The following MCF2L variants were observed in gnomAD, a reference collection of about 807,000 sequenced individuals.
MCF2L encodes the protein MCF.2 cell line derived transforming sequence like, also known as guanine nucleotide exchange factor DBS.
In MCF2L, 97 loss-of-function variants were observed where a neutral mutation model predicts 153.4. The ratio of observed to expected loss-of-function variants is 0.63; its 90% CI spans 0.54 to 0.75. The LOEUF (loss-of-function observed/expected upper bound fraction) is 0.75. Ranked by LOEUF, MCF2L falls within the 30% of genes least tolerant of loss-of-function variation. MCF2L has a pLI of 0.00. For synonymous variants in MCF2L, 659 were observed against 632.2 expected (o/e 1.04, Z -0.64); for missense variants, 1,347 against 1,495.2 (o/e 0.90, Z 1.64).
chr13:112,964,666 T>C (rs1222062018), upstream of MCF2L, among the ~76,000 whole-genome samples: 4 of 152,210 alleles, frequency 2.6e-5, no homozygotes, highest in Admixed American at 6.5e-5. Context: ...GAAAACCTGA[T>C]TAAAATTTGA....
rs956681116 is a variant in MCF2L at position 112,900,534 on chromosome 13, T to C, written c.-4-1665T>C. Among the ~76,000 whole-genome samples the C allele has an allele frequency of 2.0e-5, 3 of 151,038 alleles. No homozygotes were observed. In the East Asian group the frequency reaches 5.8e-4, roughly 29 times the overall value. ...GATGAGTTGAACACTGAGGGGTGAG[T>C]GTTTGTGGGGTGGTCTCGAAGGCCT... On this transcript the variant is annotated intron_variant, in intron 1 of 29. Transcript: ENST00000375608.
At chr13:112,999,175 C>T (rs2083260764) in intron 1 of MCF2L, among the ~76,000 whole-genome samples, 2 of 152,190 alleles carry the variant, frequency 1.3e-5, no homozygotes, top group South Asian at 2.1e-4. Context: ...GGGGCCAGAC[C>T]GCCTGGGTCT....
At position 112,950,432 on chromosome 13, in the gene MCF2L, A is replaced by G. The variant is rs370067880; in HGVS notation, c.169+48061A>G. ...TCAGAGGAGCTAGAATACCTAAATC[A>G]GTCTTGAAAAAGAAGAATAAGATGA... On this transcript the variant is annotated intron_variant, in intron 2 of 29. Coordinates refer to the MCF2L transcript ENST00000375608. 5.3e-5 allele frequency among the ~76,000 whole-genome samples: 8 copies of G among 152,330 alleles called. 1 individual carries two copies. Among genetic ancestry groups the G allele is most frequent in the African/African-American group, 1.9e-4 (8 of 41,554 alleles).
In MCF2L at chr13:113,098,850, TA is replaced by T. The variant is rs2035817831; in HGVS notation, c.*1994del. ...ACTCTCCAGACCAGAAAAGGGAGCA[TA>T]AAGAAAGGGTATTGATCCAATAGAA... On this transcript the variant is annotated 3_prime_UTR_variant, in exon 30 of 30. Transcript: ENST00000535094. 6.6e-6 allele frequency: 1 copy of T among 151,934 alleles called. No individual in the cohort carries two copies. Among genetic ancestry groups the T allele is most frequent in the East Asian group, 1.9e-4 (1 of 5,188 alleles). 9.4% of individuals were successfully genotyped at this position (151,934 alleles called of 1,614,324 possible).
At chr13:113,058,846 C>T (rs1374838396) in intron 4 of MCF2L, among the ~76,000 whole-genome samples, 1 of 149,374 alleles carries the variant, frequency 6.7e-6, no homozygotes, top group East Asian at 2.0e-4. Context: ...TGTTTGGGTG[C>T]TGAGTGTTTG....
chr13:113,091,260 G>T (rs2035183660), intron 26 of MCF2L: 1 of 1,286,538 alleles, frequency 7.8e-7, no homozygotes, highest in South Asian at 1.2e-5. Context: ...CCAGCTGGCT[G>T]TCAGGTGGCC....
intron 1 of MCF2L, among the ~76,000 whole-genome samples, chr13:112,980,624 G>A (rs1300091418): frequency 1.2e-4 from 3 of 24,590 alleles, no homozygotes; most frequent in South Asian, 1.4e-3. Context: ...GAGCCTCTCA[G>A]GCTGCCGCCT....
In MCF2L at chr13:113,031,032, CAG is replaced by C. The variant is rs1355383028; in HGVS notation, c.278+6280_278+6281del. Among the ~76,000 whole-genome samples, 1 of 69,844 alleles carries C rather than the reference CAG, an allele frequency of 1.4e-5. No homozygotes were observed. Among genetic ancestry groups the C allele is most frequent in the East Asian group, 1.1e-3 (1 of 874 alleles). The allele number at this position is 69,844 out of a possible 152,430, so 45.8% of individuals were successfully genotyped here. ...AAACAATGTGAGAAAGAAAGAGAGA[CAG>C]AGAGACAGAGACAGACAGATACAGA... On this transcript the variant is annotated intron_variant, in intron 3 of 29. Transcript: ENST00000535094. This position sits in a 1 kb window ranked among gnomAD's most constrained non-coding sequence, Gnocchi z 5.5.
At chr13:112,975,318 CG>C (rs2082176941) in intron 1 of MCF2L, among the ~76,000 whole-genome samples, 1 of 152,134 alleles carries the variant, frequency 6.6e-6, no homozygotes, top group Non-Finnish European at 1.5e-5. Flanking sequence ...GTGAGGTTAG[CG>C]GGGCCCCTAT....
intron 9 of MCF2L, among the ~76,000 whole-genome samples, chr13:113,072,452 T>C (rs2033015012): frequency 6.6e-6 from 1 of 152,244 alleles, no homozygotes; most frequent in African/African-American, 2.4e-5. Context: ...TGTTTAGTTT[T>C]TCACTGTCAG....
chr13:113,088,908 A>G (rs2034908084), intron 25 of MCF2L, among the ~76,000 whole-genome samples: 1 of 152,208 alleles, frequency 6.6e-6, no homozygotes, highest in South Asian at 2.1e-4. Flanking sequence ...GCCACGCCCC[A>G]GCACTCCTCA....
At position 113,027,602 on chromosome 13, in the gene MCF2L, A is replaced by T. The variant is rs1434515916; in HGVS notation, c.278+2844A>T. Reference sequence around the variant, plus strand: ...AGGCTCTGCTGGCTGAGCTGAGTGCACGGAGGAGGGGCTGGGTCTCGGGCC... The same window carrying T: ...AGGCTCTGCTGGCTGAGCTGAGTGCTCGGAGGAGGGGCTGGGTCTCGGGCC... On this transcript the variant is annotated intron_variant, in intron 3 of 29. Coordinates refer to ENST00000535094, the MANE Select transcript of MCF2L (RefSeq NM_001112732.3). The surrounding 1 kb of genome is among the most constrained non-coding windows in gnomAD (Gnocchi z 4.8). Among the ~76,000 whole-genome samples, 1 of 152,116 alleles carries T rather than the reference A, an allele frequency of 6.6e-6. No homozygotes were observed. Among genetic ancestry groups the T allele is most frequent in the Admixed American group, 6.6e-5 (1 of 15,266 alleles).
intron 27 of MCF2L, chr13:113,095,535 G>GCACC: frequency 9.7e-7 from 1 of 1,029,628 alleles, no homozygotes; most frequent in Non-Finnish European, 1.2e-6. Context: ...GCTACTCTGG[G>GCACC]CACCACAGAG....
intron 1 of MCF2L, among the ~76,000 whole-genome samples, chr13:113,011,499 A>ACT (rs1202308407): frequency 6.7e-6 from 1 of 150,052 alleles, no homozygotes; most frequent in African/African-American, 2.5e-5. Context: ...GATGGTGGAC[A>ACT]GGTGGTGTGG....
At chr13:113,038,274 G>T (rs1259084929) in intron 3 of MCF2L, among the ~76,000 whole-genome samples, 1 of 152,016 alleles carries the variant, frequency 6.6e-6, no homozygotes, top group Non-Finnish European at 1.5e-5. Context: ...GATCATCCTG[G>T]CTAACATGGT....
chr13:113,007,960 A>G (rs2141118941), intron 1 of MCF2L, among the ~76,000 whole-genome samples: 1 of 139,862 alleles, frequency 7.1e-6, no homozygotes, highest in Non-Finnish European at 1.5e-5. Context: ...TCTGTCACCC[A>G]GGCTGGAGTG....
chr13:112,978,712 A>G (rs901690838), intron 1 of MCF2L, among the ~76,000 whole-genome samples: 1 of 152,254 alleles, frequency 6.6e-6, no homozygotes, highest in Non-Finnish European at 1.5e-5. Context: ...TTCTAATCAC[A>G]TCAGCTCACA....
Position 113,060,877 on chromosome 13 carries a change from G to T in MCF2L, c.489+165G>T, listed in dbSNP as rs148524328. Among the ~76,000 whole-genome samples, 422 of 152,216 alleles carry T rather than the reference G, an allele frequency of 2.8e-3. 18 individuals are homozygous for T. In the East Asian group the frequency reaches 0.067, roughly 24 times the overall value. Reference sequence around the variant, plus strand: ...TTGCACCTCCTCAATGCTGCCAGAAGCAGTACAATCCTTTCTTCCCCCACC... The same window carrying T: ...TTGCACCTCCTCAATGCTGCCAGAATCAGTACAATCCTTTCTTCCCCCACC... On this transcript the variant is annotated intron_variant, in intron 5 of 29. Coordinates refer to ENST00000535094, the MANE Select transcript of MCF2L (RefSeq NM_001112732.3).
At chr13:112,903,545 G>A (rs535967120) in intron 2 of MCF2L, among the ~76,000 whole-genome samples, 12 of 152,320 alleles carry the variant, frequency 7.9e-5, no homozygotes, top group Admixed American at 7.8e-4. Flanking sequence ...TGGCCCAGTG[G>A]TTCTGGGCCA....
Sources: allele counts gnomAD v4.1 joint callset (sites outside exome capture counted in the v4.1 genomes callset), GRCh38; gene constraint gnomAD v4.1.1; non-coding constraint Gnocchi (gnomAD v3.1); transcripts MANE v1.5; gene names NCBI Gene and HGNC (gene_info 2026-07-23, HGNC 2026-07-21).